The following GSTCD variants were observed in gnomAD, a reference collection of about 807,000 sequenced individuals.
GSTCD encodes glutathione S-transferase C-terminal domain-containing protein.
A neutral mutation model predicts 68.3 loss-of-function variants in GSTCD; 44 were observed. That is an observed-to-expected ratio of 0.64 (90% CI 0.51 to 0.83). GSTCD has a LOEUF of 0.83. GSTCD is among the 40% of genes least tolerant of loss of function. GSTCD has a pLI of 0.00. For missense variants in GSTCD, 739 were observed against 735.9 expected (o/e 1.00, Z -0.05); for synonymous variants, 273 against 255.2 (o/e 1.07, Z -0.67).
At chr4:105,771,316 G>C (rs140411750) in intron 5 of GSTCD, among the ~76,000 whole-genome samples, 8,165 of 152,022 alleles carry the variant, frequency 0.054, 252 homozygotes, top group Middle Eastern at 0.14. Flanking sequence ...CCATTCTGTA[G>C]GTTGCCTATT....
At chr4:105,815,243 G>A (rs1722928202) in intron 5 of GSTCD, 1 of 152,112 alleles carries the variant, frequency 6.6e-6, no homozygotes, top group Non-Finnish European at 1.5e-5. Flanking sequence ...ATCAGCAGAG[G>A]AGGCTTGACA....
At chr4:105,793,073 C>CT (rs1324306782) in intron 5 of GSTCD, among the ~76,000 whole-genome samples, 1 of 151,952 alleles carries the variant, frequency 6.6e-6, no homozygotes. Context: ...TTATAAAAGT[C>CT]TCATATAAAA....
Position 105,823,394 on chromosome 4 carries a change from C to T in GSTCD, c.1401+119C>T, listed in dbSNP as rs1578510607. On this transcript the variant is annotated intron_variant, in intron 7 of 11. Coordinates refer to ENST00000515279, the MANE Select transcript of GSTCD (RefSeq NM_001370181.1). ...ACTCACCCAAGTCAAATATGTGGCA[C>T]AGGCATTGTCTTTTCTTTGAAATAA... 6 of 689,542 alleles carry T rather than the reference C, an allele frequency of 8.7e-6. No homozygotes were observed. The East Asian group carries it at 1.1e-4, about 12-fold the overall frequency. 42.7% of individuals were successfully genotyped at this position (689,542 alleles called of 1,614,324 possible).
At chr4:105,800,847 A>C (rs1461690510) in intron 5 of GSTCD, among the ~76,000 whole-genome samples, 2 of 152,158 alleles carry the variant, frequency 1.3e-5, no homozygotes, top group Admixed American at 1.3e-4. Flanking sequence ...TTATCAACTG[A>C]TAGCCTTATT....
intron 5 of GSTCD, among the ~76,000 whole-genome samples, chr4:105,805,656 TCAAA>T (rs1157426654): frequency 2.0e-5 from 3 of 152,028 alleles, no homozygotes; most frequent in African/African-American, 7.2e-5. Context: ...AATACCCAAA[TCAAA>T]CAATGTACCC....
intron 5 of GSTCD, among the ~76,000 whole-genome samples, chr4:105,757,560 T>A (rs535115018): frequency 6.6e-6 from 1 of 152,288 alleles, no homozygotes; most frequent in African/African-American, 2.4e-5. Flanking sequence ...ATTTTGTATA[T>A]TTCTCACACA....
intron 5 of GSTCD, chr4:105,761,534 A>G (rs893085138): frequency 6.6e-6 from 1 of 152,186 alleles, no homozygotes; most frequent in Non-Finnish European, 1.5e-5. Flanking sequence ...TATTAAATAT[A>G]AAGCAATGTT....
intron 5 of GSTCD, among the ~76,000 whole-genome samples, chr4:105,817,393 T>C (rs1185002942): frequency 6.6e-6 from 1 of 151,882 alleles, no homozygotes; most frequent in African/African-American, 2.4e-5. Context: ...TATTGAATAC[T>C]CTAATAGTAT....
rs1732408534 is a variant in GSTCD at position 105,708,843 on chromosome 4, A to G, written c.-195A>G. 1 of 153,340 alleles carries G rather than the reference A, an allele frequency of 6.5e-6. No homozygotes were observed. Among genetic ancestry groups the G allele is most frequent in the African/African-American group, 2.4e-5 (1 of 41,382 alleles). The allele number at this position is 153,340 out of a possible 1,614,324, so 9.5% of individuals were successfully genotyped here. Reference sequence around the variant, plus strand: ...ATGACGGCCGGCGCGAGTATTTTCCACATAAGGTGGCTGTCGTTTTTCTCC... The same window carrying G: ...ATGACGGCCGGCGCGAGTATTTTCCGCATAAGGTGGCTGTCGTTTTTCTCC... On this transcript the variant is annotated 5_prime_UTR_variant, in exon 1 of 12. Transcript: ENST00000515279.
chr4:105,747,122 G>A (rs1283555864), intron 5 of GSTCD, among the ~76,000 whole-genome samples: 1 of 152,242 alleles, frequency 6.6e-6, no homozygotes, highest in African/African-American at 2.4e-5. Context: ...TGGTAAATAT[G>A]TAGGCACATT....
chr4:105,818,027 A>T (rs1275657189), intron 5 of GSTCD, among the ~76,000 whole-genome samples: 1 of 151,928 alleles, frequency 6.6e-6, no homozygotes, highest in Non-Finnish European at 1.5e-5. Flanking sequence ...TGTGCTTATC[A>T]GTCTCCTGGT....
intron 5 of GSTCD, among the ~76,000 whole-genome samples, chr4:105,799,635 C>G (rs866413580): frequency 1.3e-5 from 2 of 151,976 alleles, no homozygotes; most frequent in Admixed American, 6.6e-5. Context: ...GGGCATGGTT[C>G]GTGGCTCCCC....
At chr4:105,835,016 TGC>T (rs1724055523) in intron 9 of GSTCD, among the ~76,000 whole-genome samples, 2 of 152,230 alleles carry the variant, frequency 1.3e-5, no homozygotes, top group Non-Finnish European at 2.9e-5. Flanking sequence ...AAAATCTTTT[TGC>T]CTTAGTTTTC....
intron 9 of GSTCD, among the ~76,000 whole-genome samples, chr4:105,835,922 C>A (rs1023340834): frequency 1.4e-4 from 21 of 152,154 alleles, no homozygotes; most frequent in African/African-American, 4.6e-4. Context: ...AGAGGAGACC[C>A]ACAGAGGGTA....
intron 5 of GSTCD, among the ~76,000 whole-genome samples, chr4:105,732,112 T>C (rs1336294396): frequency 2.6e-5 from 4 of 152,232 alleles, no homozygotes; most frequent in East Asian, 1.9e-4. Context: ...TTATTGAGGA[T>C]TTTTGCATCA....
chr4:105,799,959 C>T (rs879738156), intron 5 of GSTCD, among the ~76,000 whole-genome samples: 8 of 151,976 alleles, frequency 5.3e-5, no homozygotes, highest in Non-Finnish European at 8.8e-5. Flanking sequence ...CAGTAGACAC[C>T]AGGGCCTACT....
intron 8 of GSTCD, chr4:105,826,199 G>A (rs1028254389): frequency 1.3e-5 from 2 of 152,150 alleles, no homozygotes; most frequent in African/African-American, 2.4e-5. Context: ...CTAAATACAA[G>A]CATTGCCTTG....
At chr4:105,839,320 A>T (rs1195247950) in intron 10 of GSTCD, among the ~76,000 whole-genome samples, 1 of 152,216 alleles carries the variant, frequency 6.6e-6, no homozygotes, top group African/African-American at 2.4e-5. Flanking sequence ...TCACAAGGCT[A>T]TGTCAATAAA....
chr4:105,810,790 T>G (rs1722718556), intron 5 of GSTCD, among the ~76,000 whole-genome samples: 1 of 152,166 alleles, frequency 6.6e-6, no homozygotes, highest in African/African-American at 2.4e-5. Context: ...TTTTATTCCT[T>G]TATGTTAATA....
Sources: allele counts gnomAD v4.1 joint callset (sites outside exome capture counted in the v4.1 genomes callset), GRCh38; gene constraint gnomAD v4.1.1; transcripts MANE v1.5; gene names NCBI Gene and HGNC (gene_info 2026-07-23, HGNC 2026-07-21).